RBFOX1: variants seen among roughly 807,000 people sequenced by gnomAD.
The protein encoded by RBFOX1 is RNA binding protein fox-1 homolog 1.
RBFOX1 carries 8 observed loss-of-function variants against 57.7 expected under a neutral mutation model. The observed-to-expected ratio is 0.14, with a 90% CI of 0.08 to 0.25. The LOEUF is 0.25. Ranked by LOEUF, RBFOX1 falls within the 10% of genes least tolerant of loss-of-function variation. The pLI is 1.00. For missense variants in RBFOX1, 611 were observed against 548.5 expected, an observed-to-expected ratio of 1.11 and a Z score of -1.14; for synonymous variants, 326 against 222.4, an observed-to-expected ratio of 1.47 and a Z score of -4.15.
chr16:5,324,389 G>A (rs1403514803), intron 1 of RBFOX1, among the ~76,000 whole-genome samples: 2 of 152,176 alleles, frequency 1.3e-5, no homozygotes, highest in Non-Finnish European at 2.9e-5. Context: ...CTTGAACCCA[G>A]GAGGCAGAGG....
At chr16:6,002,881 A>G (rs1187885967) in intron 4 of RBFOX1, among the ~76,000 whole-genome samples, 1 of 151,912 alleles carries the variant, frequency 6.6e-6, no homozygotes, top group Non-Finnish European at 1.5e-5. Flanking sequence ...GTGGTATCTG[A>G]GATATGCACT....
At chr16:7,412,457 A>G (rs1014078637) in intron 4 of RBFOX1, among the ~76,000 whole-genome samples, 46 of 152,060 alleles carry the variant, frequency 3.0e-4, no homozygotes, top group Admixed American at 2.3e-3. Flanking sequence ...TGTGGAGTAC[A>G]TGGAAATTCT....
chr16:7,127,096 C>G lies in RBFOX1; in HGVS notation c.27+74998C>G, dbSNP rs889836650. Among the ~76,000 whole-genome samples the G allele has an allele frequency of 2.7e-4, 41 of 150,822 alleles. 1 individual carries two copies. Among genetic ancestry groups the G allele is most frequent in the African/African-American group, 7.0e-4 (29 of 41,214 alleles). On this transcript the variant is annotated intron_variant, in intron 4 of 15. Coordinates refer to ENST00000550418, the MANE Select transcript of RBFOX1 (RefSeq NM_018723.4). ...ACCCCTTTTGTTTAAACAGCTATGA[C>G]TGAGGGGAGCACTTCATGTGGTCAT...
intron 3 of RBFOX1, among the ~76,000 whole-genome samples, chr16:6,803,931 T>C (rs761645342): frequency 6.6e-6 from 1 of 152,192 alleles, no homozygotes; most frequent in Admixed American, 6.5e-5. Context: ...ATCTGGCATC[T>C]TGTTTAGAAC....
At chr16:6,904,630 AAG>A in intron 3 of RBFOX1, among the ~76,000 whole-genome samples, 2 of 138,062 alleles carry the variant, frequency 1.4e-5, no homozygotes, top group African/African-American at 2.7e-5. Context: ...AAAAAAAAAG[AAG>A]AAGAAGAAAG....
chr16:5,799,810 A>T (rs1170013727), intron 3 of RBFOX1, among the ~76,000 whole-genome samples: 1 of 152,126 alleles, frequency 6.6e-6, no homozygotes. Context: ...TCTTTGTACA[A>T]AGTTGGGTGC....
chr16:7,306,556 A>G (rs1026738533), intron 4 of RBFOX1, among the ~76,000 whole-genome samples: 13 of 146,218 alleles, frequency 8.9e-5, no homozygotes, highest in African/African-American at 2.6e-4. Flanking sequence ...ATGTGATACT[A>G]TGACATAATG....
At chr16:5,644,310 A>G (rs1395496550) in intron 3 of RBFOX1, among the ~76,000 whole-genome samples, 1 of 152,210 alleles carries the variant, frequency 6.6e-6, no homozygotes, top group Non-Finnish European at 1.5e-5. Context: ...AGGGACTTGA[A>G]TGGTGCCAGA....
At chr16:6,804,107 A>T (rs1251968988) in intron 3 of RBFOX1, among the ~76,000 whole-genome samples, 3 of 152,000 alleles carry the variant, frequency 2.0e-5, no homozygotes, top group Non-Finnish European at 2.9e-5. Context: ...CCTGGGTTCA[A>T]GTGATTCTCC....
intron 3 of RBFOX1, among the ~76,000 whole-genome samples, chr16:5,746,132 G>A (rs932252708): frequency 5.9e-5 from 9 of 152,156 alleles, no homozygotes; most frequent in African/African-American, 2.2e-4. Flanking sequence ...GTAAAGAAGG[G>A]ATCCAGTTTC....
At chr16:5,988,014 C>G (rs955874949) in intron 4 of RBFOX1, among the ~76,000 whole-genome samples, 2 of 152,284 alleles carry the variant, frequency 1.3e-5, no homozygotes, top group Middle Eastern at 3.4e-3. Context: ...CTGCCTGGCT[C>G]TAGCCCACAG....
chr16:5,607,530 A>T lies in RBFOX1; in HGVS notation c.318+8569A>T, dbSNP rs184866167. On this transcript the variant is annotated intron_variant, in intron 3 of 19. Transcript: ENST00000641259. ...ACGGTGATGATACTGACGGGTTTCA[A>T]TGTTGGCATTGAACTACGGATGGGG... Among the ~76,000 whole-genome samples, 4 of 152,218 alleles carry T rather than the reference A, an allele frequency of 2.6e-5. No homozygotes were observed. The East Asian group carries it at 5.8e-4, about 22-fold the overall frequency.
chr16:7,156,149 G>C (rs918151612), intron 4 of RBFOX1, among the ~76,000 whole-genome samples: 2 of 151,740 alleles, frequency 1.3e-5, no homozygotes, highest in African/African-American at 2.4e-5. Context: ...GGGATCACAA[G>C]TGTGACCACT....
chr16:5,414,324 C>G (rs373631182), intron 1 of RBFOX1, among the ~76,000 whole-genome samples: 1 of 152,150 alleles, frequency 6.6e-6, no homozygotes, highest in African/African-American at 2.4e-5. Flanking sequence ...GGTCCAGATT[C>G]AGTGTTTGTT....
chr16:6,784,644 T>G (rs2081612137), intron 3 of RBFOX1, among the ~76,000 whole-genome samples: 2 of 152,102 alleles, frequency 1.3e-5, no homozygotes, highest in Non-Finnish European at 2.9e-5. Context: ...TTTGGTGAGG[T>G]CGTGTTTTCC....
chr16:6,594,721 A>G (rs2097759935), intron 2 of RBFOX1, among the ~76,000 whole-genome samples: 1 of 151,808 alleles, frequency 6.6e-6, no homozygotes, highest in Non-Finnish European at 1.5e-5. Flanking sequence ...GTTTTTATTG[A>G]GGTTCACTTA....
At chr16:5,974,610 A>G (rs956074930) in intron 4 of RBFOX1, among the ~76,000 whole-genome samples, 3 of 152,048 alleles carry the variant, frequency 2.0e-5, no homozygotes, top group Non-Finnish European at 4.4e-5. Context: ...AGTCCATCTC[A>G]AAAGAAATAA....
chr16:6,849,671 AAAAAC>A (rs548192373), intron 3 of RBFOX1, among the ~76,000 whole-genome samples: 106 of 152,292 alleles, frequency 7.0e-4, no homozygotes, highest in African/African-American at 2.4e-3. Context: ...TCCATCTCAA[AAAAAC>A]AAAACAAAAT....
intron 3 of RBFOX1, among the ~76,000 whole-genome samples, chr16:6,833,686 T>G (rs563682097): frequency 1.3e-5 from 2 of 152,346 alleles, no homozygotes. Flanking sequence ...GGATGCCAAA[T>G]AGACATTTGT....
Sources: allele counts gnomAD v4.1 joint callset (sites outside exome capture counted in the v4.1 genomes callset), GRCh38; gene constraint gnomAD v4.1.1; transcripts MANE v1.5; gene names NCBI Gene and HGNC (gene_info 2026-07-23, HGNC 2026-07-21).